SDK2: variants seen among roughly 807,000 people sequenced by gnomAD.
The protein encoded by SDK2 is protein sidekick-2.
Under a neutral mutation model 253.9 loss-of-function variants are expected in SDK2, and 105 were observed. The observed-to-expected ratio is 0.41, with a 90% CI of 0.35 to 0.49. The LOEUF is 0.49. SDK2 is among the 20% of genes least tolerant of loss of function. The pLI is 0.06. For synonymous variants in SDK2, 1,249 were observed against 1,234.9 expected (o/e 1.01, Z -0.24); for missense variants, 2,608 against 3,003.0 (o/e 0.87, Z 3.07).
At chr17:73,475,731 A>G (rs954266538) in intron 2 of SDK2, among the ~76,000 whole-genome samples, 13 of 152,232 alleles carry the variant, frequency 8.5e-5, no homozygotes, top group African/African-American at 3.1e-4. Context: ...CGATAGCAAG[A>G]TGCTAAACAA....
At chr17:73,453,384 TC>T (rs1272204924) in intron 4 of SDK2, among the ~76,000 whole-genome samples, 6 of 150,936 alleles carry the variant, frequency 4.0e-5, no homozygotes, top group South Asian at 2.1e-4. Context: ...TTTTTTTTTT[TC>T]TTTTTTTTTG....
chr17:73,571,155 G>A (rs994250412), intron 1 of SDK2, among the ~76,000 whole-genome samples: 3 of 151,550 alleles, frequency 2.0e-5, no homozygotes, highest in Non-Finnish European at 2.9e-5. Context: ...TGTAATCTCC[G>A]CCTCCCAGGT....
chr17:73,573,174 A>C (rs2045412055), intron 1 of SDK2, among the ~76,000 whole-genome samples: 1 of 152,210 alleles, frequency 6.6e-6, no homozygotes, highest in Non-Finnish European at 1.5e-5. Flanking sequence ...ATGTCTGAGC[A>C]AAACTCTGCA....
intron 10 of SDK2, among the ~76,000 whole-genome samples, chr17:73,433,376 A>G (rs1447094600): frequency 6.6e-6 from 1 of 151,774 alleles, no homozygotes. Context: ...TCCACCTCCC[A>G]GGTTCAAGCG....
At position 73,609,695 on chromosome 17, in the gene SDK2, G is replaced by A. The variant is rs528004179; in HGVS notation, c.64+34330C>T. On this transcript the variant is annotated intron_variant, in intron 1 of 44. Coordinates refer to ENST00000392650, the MANE Select transcript of SDK2 (RefSeq NM_001144952.2). This position sits in a 1 kb window ranked among gnomAD's most constrained non-coding sequence, Gnocchi z 4.4. ...AGGTAATGGGTACCCTCTTACCTAC[G>A]TGCAGTTTACAAGAGTTCTCCAGGG... Among the ~76,000 whole-genome samples, 12 of 152,228 alleles carry A rather than the reference G, an allele frequency of 7.9e-5. No individual in the cohort carries two copies. Among genetic ancestry groups the A allele is most frequent in the Non-Finnish European group, 1.3e-4 (9 of 68,010 alleles).
intron 1 of SDK2, among the ~76,000 whole-genome samples, chr17:73,633,043 G>T (rs1399129380): frequency 1.3e-5 from 2 of 152,136 alleles, no homozygotes; most frequent in African/African-American, 4.8e-5. Flanking sequence ...AGCACTTTGG[G>T]AGGCAGCAGC....
rs766939997 is a variant in SDK2, at chr17:73,431,615, T to C, written c.1367A>G (p.Glu456Gly). Residue 456 changes from glutamate to glycine, a missense_variant, in exon 11 of 45, where the codon GAG becomes GGG. Glu to Gly is a moderately conservative substitution (Grantham distance 98). Around this residue, in one of 2 missense-constraint regions of SDK2, gnomAD observed 1,505 missense variants for 1,859.1 expected, o/e 0.81. Transcript: ENST00000392650. The surrounding 1 kb of genome is among the most constrained non-coding windows in gnomAD (Gnocchi z 5.6). ...SVQLPRFTPL[E>G]SGSLLISPTH... ...GGGGCTGATGAGGAGGCTGCCCGAC[T>C]CCAGGGGTGTGAAGCGAGGCAGCTG... The C allele has an allele frequency of 6.2e-7, 1 of 1,613,088 alleles. No individual in the cohort carries two copies. Among genetic ancestry groups the C allele is most frequent in the Non-Finnish European group, 8.5e-7 (1 of 1,179,656 alleles).
chr17:73,374,851 G>A (rs2062764500), intron 36 of SDK2, among the ~76,000 whole-genome samples: 1 of 152,082 alleles, frequency 6.6e-6, no homozygotes, highest in Admixed American at 6.6e-5. Context: ...CCTGATCTGA[G>A]CCCCCTTCAT....
intron 2 of SDK2, among the ~76,000 whole-genome samples, chr17:73,506,916 G>A (rs957384020): frequency 2.0e-5 from 3 of 152,230 alleles, no homozygotes; most frequent in Non-Finnish European, 2.9e-5. Flanking sequence ...TCCATGGCAC[G>A]GGCACAGATA....
In SDK2 at chr17:73,422,318, C is replaced by T; in HGVS notation, c.2014G>A (p.Gly672Arg). The T allele has an allele frequency of 6.2e-7, 1 of 1,613,990 alleles. No homozygotes were observed. Among genetic ancestry groups the T allele is most frequent in the South Asian group, 1.1e-5 (1 of 91,070 alleles). ...GTGTCTTTGCTGAACTGTCCTTTCCCCACGTCGTTGACGGCACAAAGACGG... is the reference window on the plus strand; with the variant it reads ...GTGTCTTTGCTGAACTGTCCTTTCCTCACGTCGTTGACGGCACAAAGACGG... ...QFRLCAVNDVGKGQFSKDTER... is the reference protein window; with the variant it reads ...QFRLCAVNDVRKGQFSKDTER... Residue 672 changes from glycine to arginine, a missense_variant, in exon 15 of 45, where the codon GGG becomes AGG. Gly to Arg is a moderately radical substitution (Grantham distance 125). Coordinates refer to ENST00000392650, the MANE Select transcript of SDK2 (RefSeq NM_001144952.2).
intron 1 of SDK2, chr17:73,516,560 C>G (rs1028387847): frequency 6.6e-6 from 1 of 152,464 alleles, no homozygotes; most frequent in East Asian, 1.9e-4. Context: ...TCCCTTCTCC[C>G]ACAAATGAGA....
chr17:73,533,319 T>A lies in SDK2; in HGVS notation c.65-25722A>T, dbSNP rs954159529. Among the ~76,000 whole-genome samples the A allele has an allele frequency of 3.3e-5, 5 of 152,342 alleles. No homozygotes were observed. In the South Asian group the frequency reaches 1.0e-3, roughly 32 times the overall value. On this transcript the variant is annotated intron_variant, in intron 1 of 44. Coordinates refer to ENST00000392650, the MANE Select transcript of SDK2 (RefSeq NM_001144952.2). ...GGGGCCCCGGGGCCGACTGGCACGG[T>A]GGCTTGGCCTGGATTCAGAGGCAGG...
intron 40 of SDK2, 181 bp downstream of exon 40, chr17:73,357,898 G>C: frequency 1.1e-6 from 1 of 920,564 alleles, no homozygotes; most frequent in South Asian, 1.3e-5. Context: ...TTAGCTAGGA[G>C]TCCAGCTCTA....
At chr17:73,634,108 A>G (rs2143274538) in intron 1 of SDK2, among the ~76,000 whole-genome samples, 1 of 152,314 alleles carries the variant, frequency 6.6e-6, no homozygotes, top group East Asian at 1.9e-4. Context: ...CTAAGACCCT[A>G]TGGACATCAA....
Position 73,467,192 on chromosome 17 carries a change from G to C in SDK2, c.331+4920C>G, listed in dbSNP as rs1207582462. ...TGGACATGGATTATTACAGCCCAGGGCTGTCCCTGATTCTGTCTGAACTCT... is the reference window on the plus strand; with the variant it reads ...TGGACATGGATTATTACAGCCCAGGCCTGTCCCTGATTCTGTCTGAACTCT... On this transcript the variant is annotated intron_variant, in intron 3 of 44. Coordinates refer to ENST00000392650, the MANE Select transcript of SDK2 (RefSeq NM_001144952.2). This position sits in a 1 kb window ranked among gnomAD's most constrained non-coding sequence, Gnocchi z 4.1. Among the ~76,000 whole-genome samples the C allele has an allele frequency of 2.0e-5, 3 of 152,044 alleles. No homozygotes were observed. The highest frequency in any genetic ancestry group is 7.2e-5 in the African/African-American group (3 of 41,406).
chr17:73,519,593 C>A (rs761189406), intron 1 of SDK2: 1 of 152,208 alleles, frequency 6.6e-6, no homozygotes, highest in Non-Finnish European at 1.5e-5. Flanking sequence ...TCCTCCCAGC[C>A]TCCTTAGGGG....
chr17:73,352,220 C>T lies in SDK2; in HGVS notation c.5758+253G>A, dbSNP rs2062544873. 6.6e-6 allele frequency among the ~76,000 whole-genome samples: 1 copy of T among 152,130 alleles called. No individual in the cohort carries two copies. Among genetic ancestry groups the T allele is most frequent in the Admixed American group, 6.5e-5 (1 of 15,274 alleles). ...TGCATCTTGGGCCCTCTGCTCTGCC[C>T]CTACCCAGGGCTTCTGGAGTTCCTT... On this transcript the variant is annotated intron_variant, in intron 41 of 44. Coordinates refer to ENST00000392650, the MANE Select transcript of SDK2 (RefSeq NM_001144952.2). The surrounding 1 kb of genome is among the most constrained non-coding windows in gnomAD (Gnocchi z 4.1).
At chr17:73,389,381 ACCACGTTGG>A (rs1238368919) in intron 29 of SDK2, among the ~76,000 whole-genome samples, 4 of 151,762 alleles carry the variant, frequency 2.6e-5, no homozygotes, top group Admixed American at 2.6e-4. Flanking sequence ...ACGAGGTTTC[ACCACGTTGG>A]CCAGGACGGC....
intron 1 of SDK2, among the ~76,000 whole-genome samples, chr17:73,568,567 C>T (rs542742946): frequency 1.4e-4 from 21 of 151,542 alleles, no homozygotes; most frequent in Admixed American, 1.1e-3. Context: ...AAATACCCAC[C>T]CTGAAGAACC....
Sources: gnomAD v4.1 joint callset for allele counts (sites outside exome capture counted in the v4.1 genomes callset) on GRCh38, gnomAD v4.1.1 for gene constraint, gnomAD v4.1.1 regional missense constraint, Gnocchi (gnomAD v3.1) non-coding constraint, MANE v1.5 for transcripts, NCBI Gene and HGNC (gene_info 2026-07-23, HGNC 2026-07-21) for gene names.